Variants in PSMD4 observed in about 807,000 individuals in gnomAD.
PSMD4 encodes 26S proteasome non-ATPase regulatory subunit 4.
PSMD4 carries 5 observed loss-of-function variants against 39.7 expected under a neutral mutation model. The observed-to-expected ratio is 0.13, with a 90% CI of 0.07 to 0.26. The LOEUF is 0.26. PSMD4 is among the 10% of genes least tolerant of loss of function. The pLI is 1.00. For synonymous variants in PSMD4, 143 were observed against 174.6 expected (o/e 0.82, Z 1.43); for missense variants, 272 against 486.1 (o/e 0.56, Z 4.14).
chr1:151,258,423 A>T (rs1278933567), intron 1 of PSMD4, among the ~76,000 whole-genome samples: 1 of 143,766 alleles, frequency 7.0e-6, no homozygotes, highest in African/African-American at 2.6e-5. Context: ...TGCCTTGCAC[A>T]TGTGCCATTG....
In PSMD4 at chr1:151,263,842, A is replaced by T. The variant is rs587771941; in HGVS notation, c.168-72A>T. ...GAGACTCCGTCTAAAAAATAAATAA[A>T]TAAAAGTTAGACACAGTTTAGAGGT... On this transcript the variant is annotated intron_variant, in intron 2 of 9. Coordinates refer to ENST00000368884, the MANE Select transcript of PSMD4 (RefSeq NM_002810.4). 170 of 1,091,082 alleles carry T rather than the reference A, an allele frequency of 1.6e-4. No individual in the cohort carries two copies. In the African/African-American group the frequency reaches 2.6e-3, roughly 16 times the overall value. 67.6% of individuals were successfully genotyped at this position (1,091,082 alleles called of 1,614,324 possible).
chr1:151,266,645 C>G lies in PSMD4; in HGVS notation c.963+58C>G, dbSNP rs587746540. 1.9e-6 allele frequency: 3 copies of G among 1,574,042 alleles called. No homozygotes were observed. In the Admixed American group the frequency reaches 5.2e-5, roughly 27 times the overall value. Reference sequence around the variant, plus strand: ...AGTCCTTGAATTTAGATCCTCATCCCTCTGGGGCTGGGAGTATTTCTACCA... The same window carrying G: ...AGTCCTTGAATTTAGATCCTCATCCGTCTGGGGCTGGGAGTATTTCTACCA... On this transcript the variant is annotated intron_variant, in intron 9 of 9. Coordinates refer to ENST00000368884, the MANE Select transcript of PSMD4 (RefSeq NM_002810.4).
At chr1:151,260,251 G>A (rs1040580375) in intron 1 of PSMD4, among the ~76,000 whole-genome samples, 2 of 151,756 alleles carry the variant, frequency 1.3e-5, no homozygotes, top group Admixed American at 6.6e-5. Context: ...CACTGCTTCC[G>A]TCCATTAGCA....
intron 1 of PSMD4, among the ~76,000 whole-genome samples, chr1:151,256,360 TAATA>T (rs1184350591): frequency 0.32 from 16,060 of 50,614 alleles, 1,688 homozygotes; most frequent in Middle Eastern, 0.45. Context: ...AAAAAAATAA[TAATA>T]AAATAAATAA....
chr1:151,262,077 T>C, intron 1 of PSMD4, 84 bp from the exon 2 acceptor site: 1 of 1,486,652 alleles, frequency 6.7e-7, no homozygotes, highest in East Asian at 2.3e-5. Flanking sequence ...AGACTGCTGC[T>C]ATAGGGGGCC....
chr1:151,266,137 C>T (rs752350112), intron 7 of PSMD4, 25 bp downstream of exon 7: 18 of 1,597,286 alleles, frequency 1.1e-5, no homozygotes, highest in Non-Finnish European at 1.5e-5. Flanking sequence ...ATCCGAAGTC[C>T]TGGGACTGCG....
At chr1:151,257,541 T>TTAAG (rs1451397126) in intron 1 of PSMD4, among the ~76,000 whole-genome samples, 2 of 151,306 alleles carry the variant, frequency 1.3e-5, no homozygotes, top group Non-Finnish European at 3.0e-5. Flanking sequence ...ATGGCCAATT[T>TTAAG]TAATTAATTA....
At chr1:151,258,970 T>C (rs140309773) in intron 1 of PSMD4, 1 of 151,956 alleles carries the variant, frequency 6.6e-6, no homozygotes, top group African/African-American at 2.4e-5. Flanking sequence ...TCCCAGCACT[T>C]TGAGAGGTTG....
intron 4 of PSMD4, 121 bp downstream of exon 4, chr1:151,265,039 A>T: frequency 7.7e-7 from 1 of 1,302,210 alleles, no homozygotes; most frequent in East Asian, 2.5e-5. Context: ...GTGAATGTGG[A>T]GAATTCAGTG....
At chr1:151,255,799 C>G (rs377540808) in intron 1 of PSMD4, among the ~76,000 whole-genome samples, 9 of 152,120 alleles carry the variant, frequency 5.9e-5, no homozygotes, top group African/African-American at 2.2e-4. Context: ...GTCTGGCTCA[C>G]TGCAGCCTCC....
intron 2 of PSMD4, 188 bp from the exon 3 acceptor site, chr1:151,263,726 G>A (rs1693367578): frequency 2.7e-6 from 1 of 366,852 alleles, no homozygotes; most frequent in Non-Finnish European, 5.0e-6. Context: ...AGCTACTTGG[G>A]AGTCTGAGGC....
At chr1:151,260,930 C>T (rs370939096) in intron 1 of PSMD4, among the ~76,000 whole-genome samples, 4 of 151,586 alleles carry the variant, frequency 2.6e-5, no homozygotes, top group South Asian at 2.1e-4. Context: ...ACTGCAACCT[C>T]GGCCTCCCGG....
In PSMD4 at chr1:151,266,337, A is replaced by G. The variant is rs905614391; in HGVS notation, c.793A>G (p.Ile265Val). 5.6e-6 allele frequency: 9 copies of G among 1,614,106 alleles called. No individual in the cohort carries two copies. Among genetic ancestry groups the G allele is most frequent in the African/African-American group, 5.3e-5 (4 of 74,934 alleles). The change falls in exon 8 of 10, where the codon ATC (isoleucine) becomes GTC (valine). Residue 265 changes from isoleucine to valine, a missense_variant. Ile to Val is a conservative substitution (Grantham distance 29, BLOSUM62 3). Around this residue, in one of 3 missense-constraint regions of PSMD4, gnomAD observed 113 missense variants for 184.6 expected, o/e 0.61. Transcript: ENST00000368884. ...DSDDALLKMT[I>V]SQQEFGRTGL... is the part of the protein sequence containing the mutation. Reference sequence around the variant, plus strand: ...AGACGATGCCCTGCTGAAGATGACCATCAGCCAGCAAGAGTTTGGCCGCAC... The same window carrying G: ...AGACGATGCCCTGCTGAAGATGACCGTCAGCCAGCAAGAGTTTGGCCGCAC...
intron 1 of PSMD4, among the ~76,000 whole-genome samples, chr1:151,260,892 C>T (rs1693300929): frequency 1.3e-5 from 2 of 150,606 alleles, no homozygotes; most frequent in Admixed American, 1.3e-4. Flanking sequence ...GTCACCCAGG[C>T]TGGAGTGCAG....
rs757535838 is a variant in PSMD4 at position 151,266,344 on chromosome 1, A to T, written c.800A>T (p.Gln267Leu). 1 of 1,614,248 alleles carries T rather than the reference A, an allele frequency of 6.2e-7. No individual in the cohort carries two copies. Among genetic ancestry groups the T allele is most frequent in the Non-Finnish European group, 8.5e-7 (1 of 1,180,042 alleles). Residue 267 changes from glutamine to leucine, a missense_variant, in exon 8 of 10, where the codon CAG becomes CTG. Transcript: ENST00000368884. ...DDALLKMTIS[Q>L]QEFGRTGLPD... is the part of the protein sequence containing the mutation. ...GCCCTGCTGAAGATGACCATCAGCC[A>T]GCAAGAGTTTGGCCGCACTGGGCTT...
At chr1:151,255,160 G>C (rs747687423) in intron 1 of PSMD4, among the ~76,000 whole-genome samples, 1 of 152,136 alleles carries the variant, frequency 6.6e-6, no homozygotes, top group Admixed American at 6.5e-5. Context: ...GCAAAATAAC[G>C]TCTATTAGGA....
intron 3 of PSMD4, 52 bp from the exon 4 acceptor site, chr1:151,264,778 AAG>A: frequency 7.1e-7 from 1 of 1,413,092 alleles, no homozygotes; most frequent in Non-Finnish European, 1.0e-6. Context: ...TGACAGAGGA[AAG>A]AGCTGAGTGA....
intron 2 of PSMD4, among the ~76,000 whole-genome samples, chr1:151,263,134 T>G (rs140734018): frequency 6.6e-6 from 1 of 152,332 alleles, no homozygotes; most frequent in East Asian, 1.9e-4. Context: ...TAATTATTTC[T>G]GTGCTTGGTT....
intron 1 of PSMD4, among the ~76,000 whole-genome samples, chr1:151,256,012 T>G (rs1693155874): frequency 6.6e-6 from 1 of 151,974 alleles, no homozygotes; most frequent in Non-Finnish European, 1.5e-5. Context: ...GATATTGAGG[T>G]TTTTTTAATA....
Sources: allele counts gnomAD v4.1 joint callset (sites outside exome capture counted in the v4.1 genomes callset), GRCh38; gene constraint gnomAD v4.1.1; regional missense constraint gnomAD v4.1.1; transcripts MANE v1.5; gene names NCBI Gene and HGNC (gene_info 2026-07-23, HGNC 2026-07-21).